The following NKAIN2 variants were observed in gnomAD, a reference collection of about 807,000 sequenced individuals.
The protein encoded by NKAIN2 is sodium/potassium-transporting ATPase subunit beta-1-interacting protein 2.
A neutral mutation model predicts 32.6 loss-of-function variants in NKAIN2; 14 were observed. The observed-to-expected ratio is 0.43, with a 90% CI of 0.28 to 0.67. The LOEUF (loss-of-function observed/expected upper bound fraction) is 0.67, where lower values mean the gene tolerates loss of function less well. NKAIN2 is among the 30% of genes least tolerant of loss of function. The pLI is 0.17. For missense variants in NKAIN2, 198 were observed against 258.3 expected (o/e 0.77, Z 1.60); for synonymous variants, 80 against 87.2 (o/e 0.92, Z 0.46).
chr6:123,919,242 A>G (rs948648197), intron 1 of NKAIN2, among the ~76,000 whole-genome samples: 1 of 152,106 alleles, frequency 6.6e-6, no homozygotes, highest in Non-Finnish European at 1.5e-5. Flanking sequence ...TTTCTTCTAC[A>G]GGGCAGGATG....
chr6:124,193,269 T>G (rs1204218691), intron 1 of NKAIN2, among the ~76,000 whole-genome samples: 1 of 152,156 alleles, frequency 6.6e-6, no homozygotes, highest in Non-Finnish European at 1.5e-5. Context: ...AGCCGGGATC[T>G]CATGCCTGCC....
chr6:124,001,800 AATATATAT>A (rs10567719), intron 1 of NKAIN2, among the ~76,000 whole-genome samples: 45,840 of 135,080 alleles, frequency 0.34, 7,623 homozygotes, highest in Admixed American at 0.41. Context: ...CTTAGTTCTA[AATATATAT>A]ATATATATAT....
intron 3 of NKAIN2, among the ~76,000 whole-genome samples, chr6:124,610,857 G>A (rs529894109): frequency 4.5e-4 from 68 of 152,070 alleles, no homozygotes; most frequent in Non-Finnish European, 7.5e-4. Context: ...AAATGTACTT[G>A]ACCACCAATA....
chr6:124,163,120 A>G (rs919198425), intron 1 of NKAIN2, among the ~76,000 whole-genome samples: 14 of 152,080 alleles, frequency 9.2e-5, no homozygotes, highest in Non-Finnish European at 5.9e-5. Context: ...TCAGTATCAC[A>G]TAGTTGATAT....
chr6:124,724,125 G>C (rs1462154896), intron 4 of NKAIN2, among the ~76,000 whole-genome samples: 1 of 152,208 alleles, frequency 6.6e-6, no homozygotes, highest in African/African-American at 2.4e-5. Context: ...GCAAGGAAGA[G>C]TGGCTGCCGT....
At chr6:124,394,648 T>C (rs969509533) in intron 3 of NKAIN2, among the ~76,000 whole-genome samples, 1 of 135,418 alleles carries the variant, frequency 7.4e-6, no homozygotes, top group African/African-American at 2.8e-5. Flanking sequence ...CAAACCCAAA[T>C]GGCAGAAAAA....
chr6:124,065,725 G>A (rs544639536), intron 1 of NKAIN2, among the ~76,000 whole-genome samples: 1 of 152,178 alleles, frequency 6.6e-6, no homozygotes, highest in African/African-American at 2.4e-5. Context: ...GAGCACAAAT[G>A]GATAAGACAA....
intron 4 of NKAIN2, among the ~76,000 whole-genome samples, chr6:124,775,833 G>T (rs1007121379): frequency 1.2e-4 from 18 of 152,068 alleles, no homozygotes; most frequent in African/African-American, 4.3e-4. Context: ...TTGAAATAAT[G>T]ATTTTTTTTT....
intron 4 of NKAIN2, among the ~76,000 whole-genome samples, chr6:124,747,746 G>A (rs974169036): frequency 1.7e-4 from 26 of 151,566 alleles, no homozygotes; most frequent in African/African-American, 6.0e-4. Context: ...ATGGAGGAGG[G>A]GGGCCTACAT....
intron 4 of NKAIN2, among the ~76,000 whole-genome samples, chr6:124,774,232 C>A (rs1778887570): frequency 6.6e-6 from 1 of 152,040 alleles, no homozygotes; most frequent in Admixed American, 6.6e-5. Flanking sequence ...GCAAATTGGA[C>A]CTGGGAGACA....
At chr6:124,631,262 A>C (rs1783554608) in intron 3 of NKAIN2, among the ~76,000 whole-genome samples, 1 of 152,172 alleles carries the variant, frequency 6.6e-6, no homozygotes, top group Non-Finnish European at 1.5e-5. Context: ...AAGAGCTCAA[A>C]TGAGTAGTTG....
intron 1 of NKAIN2, among the ~76,000 whole-genome samples, chr6:123,936,118 G>T (rs377535642): frequency 6.6e-6 from 1 of 152,132 alleles, no homozygotes; most frequent in South Asian, 2.1e-4. Flanking sequence ...ATTCTGAAAA[G>T]CTCAATACAG....
At chr6:123,907,574 C>T (rs1196524585) in intron 1 of NKAIN2, among the ~76,000 whole-genome samples, 1 of 152,020 alleles carries the variant, frequency 6.6e-6, no homozygotes, top group Non-Finnish European at 1.5e-5. Context: ...ACCAAATTAC[C>T]CTGAAACTAA....
intron 1 of NKAIN2, among the ~76,000 whole-genome samples, chr6:123,853,962 G>A (rs1775457786): frequency 1.3e-5 from 2 of 151,846 alleles, no homozygotes; most frequent in South Asian, 2.1e-4. Flanking sequence ...TAGTTGAGAC[G>A]GGGTTTCACC....
intron 1 of NKAIN2, among the ~76,000 whole-genome samples, chr6:124,175,452 C>T (rs1789107609): frequency 6.6e-6 from 1 of 152,168 alleles, no homozygotes; most frequent in Non-Finnish European, 1.5e-5. Flanking sequence ...ACTTCCTAAA[C>T]ATTTAAAAGT....
chr6:124,517,263 G>A (rs1778949284), intron 3 of NKAIN2, among the ~76,000 whole-genome samples: 1 of 152,000 alleles, frequency 6.6e-6, no homozygotes, highest in African/African-American at 2.4e-5. Flanking sequence ...GGTCCTTCAG[G>A]GAGTCACTCC....
chr6:124,073,766 G>A (rs959933867), intron 1 of NKAIN2, among the ~76,000 whole-genome samples: 1 of 152,020 alleles, frequency 6.6e-6, no homozygotes, highest in African/African-American at 2.4e-5. Context: ...TATAACATAC[G>A]ATTAAATAAC....
intron 1 of NKAIN2, among the ~76,000 whole-genome samples, chr6:124,110,545 CCTT>C (rs1230315035): frequency 1.4e-4 from 22 of 152,038 alleles, no homozygotes; most frequent in Non-Finnish European, 2.9e-5. Context: ...CCCCACATCT[CCTT>C]CTTCCCTCCT....
At chr6:124,502,380 A>C (rs1453201195) in intron 3 of NKAIN2, among the ~76,000 whole-genome samples, 1 of 152,218 alleles carries the variant, frequency 6.6e-6, no homozygotes, top group Non-Finnish European at 1.5e-5. Context: ...AAGGATGTAC[A>C]GTGAAAAGTC....
Sources: allele counts gnomAD v4.1 joint callset (sites outside exome capture counted in the v4.1 genomes callset), GRCh38; gene constraint gnomAD v4.1.1; transcripts MANE v1.5; gene names NCBI Gene and HGNC (gene_info 2026-07-23, HGNC 2026-07-21).